The following SLC1A6 variants were observed in gnomAD, a reference collection of about 807,000 sequenced individuals.
SLC1A6 encodes the protein solute carrier family 1 member 6, also known as excitatory amino acid transporter 4.
Under a neutral mutation model 42.1 loss-of-function variants are expected in SLC1A6, and 15 were observed. That is an observed-to-expected ratio of 0.36 (90% CI 0.24 to 0.55). The LOEUF is 0.55. SLC1A6 is among the 20% of genes least tolerant of loss of function. SLC1A6 has a pLI of 0.88. For missense variants in SLC1A6, 542 were observed against 772.5 expected (o/e 0.70, Z 3.54); for synonymous variants, 317 against 319.7 (o/e 0.99, Z 0.09).
chr19:14,979,378 G>A lies in SLC1A6; in HGVS notation c.-77C>T, dbSNP rs917542120. 6.6e-6 allele frequency: 1 copy of A among 152,358 alleles called. No individual in the cohort carries two copies. The highest frequency in any genetic ancestry group is 6.5e-5 in the Admixed American group (1 of 15,278). 9.4% of individuals were successfully genotyped at this position (152,358 alleles called of 1,614,324 possible). ...AGCAGGAGCTCAGAGACAAAGGGCG[G>A]CGGAGAAGTGGGGACGTGGGCGCAG... is the stretch of plus-strand genomic sequence containing the variant. On this transcript the variant is annotated 5_prime_UTR_variant, in exon 1 of 10. Coordinates refer to ENST00000594383, the MANE Select transcript of SLC1A6 (RefSeq NM_005071.3). The surrounding 1 kb of genome is among the most constrained non-coding windows in gnomAD (Gnocchi z 4.2).
At chr19:14,989,516 C>T (rs2045808557) in intron 1 of SLC1A6, among the ~76,000 whole-genome samples, 1 of 151,968 alleles carries the variant, frequency 6.6e-6, no homozygotes, top group Non-Finnish European at 1.5e-5. Flanking sequence ...CCACCTCGGC[C>T]TCCCAAAGTG....
At position 14,965,774 on chromosome 19, in the gene SLC1A6, C is replaced by T. The variant is rs372698050; in HGVS notation, c.549-1413G>A. 1.7e-4 allele frequency among the ~76,000 whole-genome samples: 26 copies of T among 151,492 alleles called. 1 individual carries two copies. The East Asian group carries it at 3.1e-3, about 18-fold the overall frequency. Reference sequence around the variant, plus strand: ...CTGACACAGGAGAATCGCTTGAACCCGAAAGGCAGAGGTTGCAGTGAGCTG... The same window carrying T: ...CTGACACAGGAGAATCGCTTGAACCTGAAAGGCAGAGGTTGCAGTGAGCTG... On this transcript the variant is annotated intron_variant, in intron 4 of 9. Transcript: ENST00000594383.
chr19:14,966,662 T>C (rs904536591), intron 4 of SLC1A6, among the ~76,000 whole-genome samples: 1 of 152,122 alleles, frequency 6.6e-6, no homozygotes, highest in Non-Finnish European at 1.5e-5. Flanking sequence ...AAAGAAAATA[T>C]GGCACATATA....
intron 1 of SLC1A6, chr19:14,974,551 T>C (rs1600015134): frequency 6.6e-6 from 1 of 151,960 alleles, no homozygotes; most frequent in East Asian, 1.9e-4. Flanking sequence ...ATTGTGATTT[T>C]CATGGGCCTG....
intron 5 of SLC1A6, among the ~76,000 whole-genome samples, chr19:14,963,661 T>C (rs1485183189): frequency 2.6e-5 from 4 of 152,080 alleles, no homozygotes; most frequent in African/African-American, 7.2e-5. Context: ...GAACAACCAA[T>C]GTGTGGAAGT....
At position 14,951,260 on chromosome 19, in the gene SLC1A6, A is replaced by C. The variant is rs1324009448; in HGVS notation, c.1500-870T>G. On this transcript the variant is annotated intron_variant, in intron 9 of 9. Transcript: ENST00000594383. ...GAGCAAGACTCTGTCTCACAAAAAAAAAAAAAAAAAAAAAAAAAGAAAGAA... is the reference window on the plus strand; with the variant it reads ...GAGCAAGACTCTGTCTCACAAAAAACAAAAAAAAAAAAAAAAAAGAAAGAA... Among the ~76,000 whole-genome samples, 315 of 123,600 alleles carry C rather than the reference A, an allele frequency of 2.5e-3. 1 individual carries two copies. Among genetic ancestry groups the C allele is most frequent in the African/African-American group, 8.7e-3 (294 of 33,682 alleles). The allele number at this position is 123,600 out of a possible 152,430, so 81.1% of individuals were successfully genotyped here.
chr19:14,960,650 C>T (rs1010892619), intron 6 of SLC1A6, among the ~76,000 whole-genome samples: 3 of 152,128 alleles, frequency 2.0e-5, no homozygotes, highest in Admixed American at 2.0e-4. Context: ...GGACATTATG[C>T]TAATTGAAAT....
chr19:14,953,041 A>T lies in SLC1A6; in HGVS notation c.1386T>A (p.Ser462Arg). The T allele has an allele frequency of 6.2e-7, 1 of 1,613,614 alleles. No homozygotes were observed. The highest frequency in any genetic ancestry group is 8.5e-7 in the Non-Finnish European group (1 of 1,179,750). Residue 462 changes from serine (S) to arginine (R), a missense_variant, in exon 9 of 10, where the codon AGT (serine) becomes AGA (arginine). Physicochemically the swap from Ser to Arg is moderately radical, Grantham distance 110. Coordinates refer to ENST00000594383, the MANE Select transcript of SLC1A6 (RefSeq NM_005071.3). ...TTISITATAA[S>R]VGAAGIPQAG... ...CCTGGGGGATGCCAGCAGCCCCAAC[A>T]CTGGCTGCTGTGGCCGTGATGCTGC...
chr19:14,990,343 G>T (rs1464768880), intron 1 of SLC1A6, among the ~76,000 whole-genome samples: 1 of 152,204 alleles, frequency 6.6e-6, no homozygotes, highest in East Asian at 1.9e-4. Flanking sequence ...CAAATACCAT[G>T]ATCTCACTTA....
intron 1 of SLC1A6, among the ~76,000 whole-genome samples, chr19:15,009,409 C>T (rs953847335): frequency 6.6e-6 from 1 of 151,738 alleles, no homozygotes; most frequent in Non-Finnish European, 1.5e-5. Context: ...ATATATATGC[C>T]GTGGAATACT....
At position 14,972,855 on chromosome 19, in the gene SLC1A6, C is replaced by G; in HGVS notation, c.56G>C (p.Arg19Pro). The G allele has an allele frequency of 1.2e-6, 2 of 1,602,788 alleles. No individual in the cohort carries two copies. The highest frequency in any genetic ancestry group is 1.7e-6 in the Non-Finnish European group (2 of 1,175,916). Residue 19 changes from arginine to proline, a missense_variant, in exon 2 of 10, where the codon CGG (arginine) becomes CCG (proline). By Grantham distance (103) the Arg-to-Pro change is moderately radical. Transcript: ENST00000594383. Reference protein sequence around the residue: ...FLRESGQRLGRVGWLQRLQES... With the variant: ...FLRESGQRLGPVGWLQRLQES... ...CTGCAGCCGCTGCAGCCAGCCCACC[C>G]GGCCCAGCCGCTGGCCGCTCTCCCG...
At chr19:14,991,072 C>A (rs976519192) in intron 1 of SLC1A6, among the ~76,000 whole-genome samples, 1 of 152,020 alleles carries the variant, frequency 6.6e-6, no homozygotes, top group Non-Finnish European at 1.5e-5. Context: ...TTAAAACACA[C>A]CTTAAAAAAC....
At position 14,972,688 on chromosome 19, in the gene SLC1A6, C is replaced by G; in HGVS notation, c.205+18G>C. The G allele has an allele frequency of 6.2e-7, 1 of 1,610,416 alleles. No homozygotes were observed. Among genetic ancestry groups the G allele is most frequent in the Non-Finnish European group, 8.5e-7 (1 of 1,177,198 alleles). ...CGCCTTTCCCTGAAGTCCCCGCCCT[C>G]CAAGAGGCAGAGCTCACCAATGACC... On this transcript the variant is annotated intron_variant, in intron 2 of 9. Coordinates refer to ENST00000594383, the MANE Select transcript of SLC1A6 (RefSeq NM_005071.3).
chr19:14,955,835 T>C (rs1390481437), intron 7 of SLC1A6, among the ~76,000 whole-genome samples: 1 of 151,560 alleles, frequency 6.6e-6, no homozygotes, highest in East Asian at 1.9e-4. Context: ...CTTGGGAGGC[T>C]GAGGCAGGAG....
intron 1 of SLC1A6, among the ~76,000 whole-genome samples, chr19:15,003,131 A>C (rs1450329445): frequency 6.6e-6 from 1 of 152,128 alleles, no homozygotes; most frequent in Non-Finnish European, 1.5e-5. Flanking sequence ...GGCATGTGCC[A>C]CCACGCCCAG....
chr19:14,985,964 G>GA (rs1178099170), intron 1 of SLC1A6, among the ~76,000 whole-genome samples: 13 of 150,592 alleles, frequency 8.6e-5, no homozygotes, highest in Admixed American at 5.3e-4. Context: ...TCTCAAAAAA[G>GA]AAAAAAAACA....
chr19:14,993,018 A>G (rs568442597), intron 1 of SLC1A6, among the ~76,000 whole-genome samples: 238 of 152,274 alleles, frequency 1.6e-3, no homozygotes, highest in African/African-American at 5.6e-3. Flanking sequence ...CACCGTTCCC[A>G]GGGCCCCAGA....
intron 1 of SLC1A6, among the ~76,000 whole-genome samples, chr19:14,988,659 C>G (rs1438476313): frequency 6.6e-6 from 1 of 152,180 alleles, no homozygotes; most frequent in African/African-American, 2.4e-5. Flanking sequence ...GAAATCATGT[C>G]TGTTGCAACA....
intron 1 of SLC1A6, among the ~76,000 whole-genome samples, chr19:15,001,334 C>T (rs571306760): frequency 6.6e-6 from 1 of 152,034 alleles, no homozygotes; most frequent in South Asian, 2.1e-4. Context: ...ACCGAGTGGT[C>T]AGAGAAGAGT....
Sources: allele counts gnomAD v4.1 joint callset (sites outside exome capture counted in the v4.1 genomes callset), GRCh38; gene constraint gnomAD v4.1.1; non-coding constraint Gnocchi (gnomAD v3.1); transcripts MANE v1.5; gene names NCBI Gene and HGNC (gene_info 2026-07-23, HGNC 2026-07-21).